The following ARFIP1 variants were observed in gnomAD, a reference collection of about 807,000 sequenced individuals.
ARFIP1 encodes the protein ARF interacting protein 1, also known as arfaptin-1.
Under a neutral mutation model 42.5 loss-of-function variants are expected in ARFIP1, and 24 were observed. The ratio of observed to expected loss-of-function variants is 0.57; its 90% CI spans 0.41 to 0.80. The LOEUF (loss-of-function observed/expected upper bound fraction) is 0.80. ARFIP1 is among the 30% of genes least tolerant of loss of function. ARFIP1 has a pLI of 0.00. For missense variants in ARFIP1, 354 were observed against 434.0 expected (o/e 0.82, Z 1.64); for synonymous variants, 141 against 153.7 (o/e 0.92, Z 0.61).
intron 1 of ARFIP1, among the ~76,000 whole-genome samples, chr4:152,815,695 G>A (rs186822307): frequency 1.8e-3 from 265 of 147,900 alleles, no homozygotes; most frequent in Non-Finnish European, 3.0e-3. Context: ...TAAGGAATTC[G>A]TGTTGTCTTT....
intron 2 of ARFIP1, among the ~76,000 whole-genome samples, chr4:152,843,113 G>A (rs1359180275): frequency 2.0e-5 from 3 of 152,094 alleles, no homozygotes; most frequent in Non-Finnish European, 2.9e-5. Context: ...TGGGGTGTTC[G>A]CTTGATGTAG....
At chr4:152,791,974 C>G (rs1324879771) in intron 1 of ARFIP1, among the ~76,000 whole-genome samples, 2 of 152,026 alleles carry the variant, frequency 1.3e-5, no homozygotes, top group East Asian at 3.8e-4. Flanking sequence ...ACTGATCTTA[C>G]CATTCTGTTC....
chr4:152,900,412 G>A (rs1315250941), intron 8 of ARFIP1, among the ~76,000 whole-genome samples: 2 of 151,748 alleles, frequency 1.3e-5, no homozygotes, highest in African/African-American at 2.4e-5. Flanking sequence ...CCTTCTTAAG[G>A]ACTTTTTTTA....
chr4:152,791,180 ATCT>A (rs1443072478), intron 1 of ARFIP1, among the ~76,000 whole-genome samples: 1 of 152,182 alleles, frequency 6.6e-6, no homozygotes, highest in Non-Finnish European at 1.5e-5. Flanking sequence ...ATTCTGTATT[ATCT>A]TCTTTGGTTA....
chr4:152,809,748 C>T (rs1408296784), intron 1 of ARFIP1: 1 of 152,190 alleles, frequency 6.6e-6, no homozygotes, highest in African/African-American at 2.4e-5. Flanking sequence ...GTTCTATGCT[C>T]ATATTTTTAA....
At position 152,806,247 on chromosome 4, in the gene ARFIP1, C is replaced by T. The variant is rs558766062; in HGVS notation, c.-9-23378C>T. On this transcript the variant is annotated intron_variant, in intron 1 of 8. Coordinates refer to ENST00000353617, the MANE Select transcript of ARFIP1 (RefSeq NM_001025595.3). The stretch of plus-strand genomic sequence containing the variant: ...TTTGTAAATGACACTTAGAACTATG[C>T]AGTCATTTTTCTAGTGAGAGAGTAT... Among the ~76,000 whole-genome samples the T allele has an allele frequency of 2.4e-3, 359 of 152,320 alleles. 2 individuals carry two copies. Among genetic ancestry groups the T allele is most frequent in the African/African-American group, 8.3e-3 (347 of 41,580 alleles).
At chr4:152,795,798 T>G (rs1404547107) in intron 1 of ARFIP1, among the ~76,000 whole-genome samples, 1 of 143,676 alleles carries the variant, frequency 7.0e-6, no homozygotes, top group Admixed American at 7.7e-5. Context: ...ATTTGAGCGA[T>G]TGTTACTTGA....
intron 8 of ARFIP1, among the ~76,000 whole-genome samples, chr4:152,903,544 C>T (rs1328272635): frequency 6.6e-6 from 1 of 151,730 alleles, no homozygotes; most frequent in Non-Finnish European, 1.5e-5. Context: ...TCAAAGGTCC[C>T]CTCTATACCA....
intron 1 of ARFIP1, among the ~76,000 whole-genome samples, chr4:152,785,661 GT>G (rs1160815531): frequency 6.6e-6 from 1 of 152,192 alleles, no homozygotes; most frequent in East Asian, 1.9e-4. Context: ...TGGAAAGGAT[GT>G]TTTTTCTATT....
chr4:152,847,271 C>T (rs1346296156), intron 2 of ARFIP1, among the ~76,000 whole-genome samples: 1 of 150,954 alleles, frequency 6.6e-6, no homozygotes, highest in Admixed American at 6.6e-5. Context: ...TAGCTGGGAC[C>T]ACAGTCATGT....
At chr4:152,907,708 TA>T (rs2149916445) in intron 8 of ARFIP1, among the ~76,000 whole-genome samples, 1 of 152,334 alleles carries the variant, frequency 6.6e-6, no homozygotes, top group East Asian at 1.9e-4. Flanking sequence ...GTGATGCATG[TA>T]GCTACAGTTC....
intron 1 of ARFIP1, among the ~76,000 whole-genome samples, chr4:152,808,754 A>G (rs1226104879): frequency 2.0e-5 from 3 of 152,034 alleles, no homozygotes; most frequent in Non-Finnish European, 4.4e-5. Context: ...CTCCTTCCCA[A>G]TGCTAAGGTT....
chr4:152,832,270 A>T (rs1322867284), intron 2 of ARFIP1, among the ~76,000 whole-genome samples: 1 of 152,204 alleles, frequency 6.6e-6, no homozygotes, highest in African/African-American at 2.4e-5. Context: ...ATACATTTCA[A>T]TTTTAGCCAT....
At chr4:152,821,685 T>C (rs1355967876) in intron 1 of ARFIP1, among the ~76,000 whole-genome samples, 1 of 152,122 alleles carries the variant, frequency 6.6e-6, no homozygotes, top group Non-Finnish European at 1.5e-5. Context: ...CCAGGGCATA[T>C]AGTCATCAGG....
intron 7 of ARFIP1, among the ~76,000 whole-genome samples, chr4:152,883,086 C>A (rs1000844651): frequency 2.0e-5 from 3 of 152,132 alleles, no homozygotes; most frequent in Non-Finnish European, 1.5e-5. Flanking sequence ...CCAAGTTAAG[C>A]CTCAGAAGAA....
At chr4:152,815,098 G>GT (rs1228843094) in intron 1 of ARFIP1, among the ~76,000 whole-genome samples, 4 of 152,068 alleles carry the variant, frequency 2.6e-5, no homozygotes, top group East Asian at 1.9e-4. Flanking sequence ...TTCTTTATGA[G>GT]TTTTTTCTGC....
intron 1 of ARFIP1, among the ~76,000 whole-genome samples, chr4:152,814,057 T>G (rs1460927582): frequency 6.6e-6 from 1 of 151,880 alleles, no homozygotes; most frequent in Non-Finnish European, 1.5e-5. Context: ...GTGGACAGTT[T>G]TTCTTTTGTT....
At chr4:152,891,170 C>T (rs959885110) in intron 8 of ARFIP1, among the ~76,000 whole-genome samples, 1 of 152,194 alleles carries the variant, frequency 6.6e-6, no homozygotes, top group Non-Finnish European at 1.5e-5. Context: ...CCTTCTAATA[C>T]CATCACATTG....
At chr4:152,903,496 CTTTTG>C (rs1252033638) in intron 8 of ARFIP1, among the ~76,000 whole-genome samples, 2 of 136,132 alleles carry the variant, frequency 1.5e-5, no homozygotes, top group Non-Finnish European at 3.2e-5. Flanking sequence ...TTTTTTTTTT[CTTTTG>C]TTTTTACATT....
Sources: allele counts gnomAD v4.1 joint callset (sites outside exome capture counted in the v4.1 genomes callset), GRCh38; gene constraint gnomAD v4.1.1; transcripts MANE v1.5; gene names NCBI Gene and HGNC (gene_info 2026-07-23, HGNC 2026-07-21).